B3GLCT: variants seen among roughly 807,000 people sequenced by gnomAD.
The protein encoded by B3GLCT is beta 3-glucosyltransferase.
B3GLCT carries 65 observed loss-of-function variants against 63.4 expected under a neutral mutation model. The ratio of observed to expected loss-of-function variants is 1.03; its 90% CI spans 0.84 to 1.26. B3GLCT has a LOEUF of 1.26. Among genes scored for constraint, B3GLCT ranks in the 50% most tolerant of loss-of-function variants. The probability of loss-of-function intolerance (pLI) is 0.00; values close to 1 mark genes in which losing one functional copy is unlikely to be tolerated. For synonymous variants in B3GLCT, 233 were observed against 219.2 expected, an observed-to-expected ratio of 1.06 and a Z score of -0.55; for missense variants, 577 against 604.8, an observed-to-expected ratio of 0.95 and a Z score of 0.48.
At chr13:31,280,369 C>T (rs1873010970) in intron 10 of B3GLCT, among the ~76,000 whole-genome samples, 2 of 152,174 alleles carry the variant, frequency 1.3e-5, no homozygotes, top group African/African-American at 2.4e-5. Flanking sequence ...CGTTTGGGGT[C>T]CCTGACTTCC....
At chr13:31,294,088 A>T (rs1293107018) in intron 12 of B3GLCT, among the ~76,000 whole-genome samples, 1 of 152,112 alleles carries the variant, frequency 6.6e-6, no homozygotes, top group African/African-American at 2.4e-5. Context: ...CTGGATATGA[A>T]ATTCTGGGTT....
At position 31,247,985 on chromosome 13, in the gene B3GLCT, C is replaced by G. The variant is rs1235482955; in HGVS notation, c.459+19C>G. 3 of 1,311,494 alleles carry G rather than the reference C, an allele frequency of 2.3e-6. No homozygotes were observed. Among genetic ancestry groups the G allele is most frequent in the Admixed American group, 1.7e-5 (1 of 59,396 alleles). The allele number at this position is 1,311,494 out of a possible 1,614,324, so 81.2% of individuals were successfully genotyped here. ...CTCTAAGGTGAATATAACTTCAATA[C>G]CAGTTCTTATTTTGGGGGACAGTGT... On this transcript the variant is annotated intron_variant, in intron 6 of 14. Coordinates refer to ENST00000343307, the MANE Select transcript of B3GLCT (RefSeq NM_194318.4).
intron 4 of B3GLCT, among the ~76,000 whole-genome samples, chr13:31,243,816 G>A (rs1871066505): frequency 6.6e-6 from 1 of 152,336 alleles, no homozygotes; most frequent in East Asian, 1.9e-4. Context: ...GATACCAGTG[G>A]ATGCTGATAA....
chr13:31,206,246 T>C (rs1031918472), intron 1 of B3GLCT, among the ~76,000 whole-genome samples: 2 of 152,216 alleles, frequency 1.3e-5, no homozygotes, highest in African/African-American at 4.8e-5. Flanking sequence ...GAATCATCTG[T>C]GTGTCCTAAA....
At chr13:31,230,489 C>A (rs1048965804) in intron 4 of B3GLCT, among the ~76,000 whole-genome samples, 2 of 152,144 alleles carry the variant, frequency 1.3e-5, no homozygotes, top group African/African-American at 4.8e-5. Context: ...ACATAAACAG[C>A]CTTAACAGTA....
chr13:31,252,936 T>C (rs555646456), intron 6 of B3GLCT, among the ~76,000 whole-genome samples: 87 of 152,308 alleles, frequency 5.7e-4, no homozygotes, highest in African/African-American at 1.7e-3. Context: ...ATCACTCTTA[T>C]TCTAAAATTG....
chr13:31,246,267 T>C (rs985923183), intron 4 of B3GLCT, among the ~76,000 whole-genome samples: 1 of 152,206 alleles, frequency 6.6e-6, no homozygotes, highest in African/African-American at 2.4e-5. Flanking sequence ...TTTTGGCTTT[T>C]GTAACAACTT....
At chr13:31,220,090 G>A (rs761491810) in intron 2 of B3GLCT, among the ~76,000 whole-genome samples, 1 of 152,186 alleles carries the variant, frequency 6.6e-6, no homozygotes, top group African/African-American at 2.4e-5. Context: ...GGCCGACTGA[G>A]TGTAATCATG....
At chr13:31,277,733 T>C (rs1267350257) in intron 10 of B3GLCT, among the ~76,000 whole-genome samples, 5 of 152,180 alleles carry the variant, frequency 3.3e-5, no homozygotes, top group Admixed American at 6.5e-5. Flanking sequence ...ATTATAGTAT[T>C]GTCTAAGACA....
intron 1 of B3GLCT, 65 bp from the exon 2 acceptor site, chr13:31,214,986 G>A: frequency 7.0e-7 from 1 of 1,425,816 alleles, no homozygotes; most frequent in Non-Finnish European, 9.7e-7. Flanking sequence ...AAAACTGTTG[G>A]ATGTGAGAAT....
chr13:31,207,120 C>T (rs925083266), intron 1 of B3GLCT, among the ~76,000 whole-genome samples: 5 of 152,094 alleles, frequency 3.3e-5, no homozygotes, highest in African/African-American at 9.7e-5. Context: ...GTCTGTTTAT[C>T]CATCTACCTA....
chr13:31,316,854 C>T (rs900361228), intron 12 of B3GLCT, among the ~76,000 whole-genome samples: 13 of 152,096 alleles, frequency 8.5e-5, no homozygotes, highest in African/African-American at 1.7e-4. Flanking sequence ...GACCAACTCA[C>T]GGATAGTCTT....
rs1176476573 is a variant in B3GLCT, at chr13:31,331,154, C to G, written c.*1486C>G. The G allele has an allele frequency of 6.6e-6, 1 of 152,174 alleles. No individual in the cohort carries two copies. Among genetic ancestry groups the G allele is most frequent in the African/African-American group, 2.4e-5 (1 of 41,436 alleles). 9.4% of individuals were successfully genotyped at this position (152,174 alleles called of 1,614,324 possible). A position where few individuals can be genotyped will look rare whatever the true frequency, so the allele number is the denominator to read the frequency against. ...GAAGGATTTCTAGATCGCTTCAAGC[C>G]TATACTGATGGCCTTAGCTTTGTTC... On this transcript the variant is annotated 3_prime_UTR_variant, in exon 15 of 15. Coordinates refer to ENST00000343307, the MANE Select transcript of B3GLCT (RefSeq NM_194318.4).
intron 13 of B3GLCT, among the ~76,000 whole-genome samples, chr13:31,318,647 A>G (rs1875179418): frequency 6.6e-6 from 1 of 152,174 alleles, no homozygotes; most frequent in South Asian, 2.1e-4. Context: ...CTTTGAAAAG[A>G]CACTAGAGTA....
intron 12 of B3GLCT, among the ~76,000 whole-genome samples, chr13:31,297,576 A>G (rs116575543): frequency 0.026 from 4,001 of 152,184 alleles, 184 homozygotes; most frequent in African/African-American, 0.091. Context: ...CAAGCAATCA[A>G]TCAGTTCTGC....
chr13:31,261,561 A>C (rs1205441247), intron 7 of B3GLCT, among the ~76,000 whole-genome samples: 1 of 152,242 alleles, frequency 6.6e-6, no homozygotes, highest in Non-Finnish European at 1.5e-5. Flanking sequence ...ATAGGTCGTC[A>C]TACCTAGCTA....
intron 13 of B3GLCT, among the ~76,000 whole-genome samples, chr13:31,319,069 C>T (rs146604539): frequency 6.6e-6 from 1 of 152,262 alleles, no homozygotes; most frequent in East Asian, 1.9e-4. Context: ...GGGCCAGGCA[C>T]AGGGAATGCA....
chr13:31,230,843 A>C (rs1870342329), intron 4 of B3GLCT, among the ~76,000 whole-genome samples: 1 of 151,980 alleles, frequency 6.6e-6, no homozygotes, highest in Non-Finnish European at 1.5e-5. Context: ...CCCTGTCTCT[A>C]CTAAAAATAT....
intron 3 of B3GLCT, among the ~76,000 whole-genome samples, chr13:31,224,732 G>T (rs1158135629): frequency 6.6e-6 from 1 of 152,186 alleles, no homozygotes; most frequent in East Asian, 1.9e-4. Flanking sequence ...GTGTGTGTTT[G>T]TGGGTGTGTG....
Sources: allele counts gnomAD v4.1 joint callset (sites outside exome capture counted in the v4.1 genomes callset), GRCh38; gene constraint gnomAD v4.1.1; transcripts MANE v1.5; gene names NCBI Gene and HGNC (gene_info 2026-07-23, HGNC 2026-07-21).